The following GRIK1 variants were observed in gnomAD, a reference collection of about 807,000 sequenced individuals.
GRIK1 encodes the protein glutamate receptor ionotropic, kainate 1.
A neutral mutation model predicts 105.7 loss-of-function variants in GRIK1; 69 were observed. The ratio of observed to expected loss-of-function variants is 0.65; its 90% CI spans 0.54 to 0.80. The LOEUF is 0.80. Among genes scored for constraint, GRIK1 ranks in the 30% least tolerant of loss-of-function variants. GRIK1 has a pLI of 0.00. For missense variants in GRIK1, 1,109 were observed against 1,167.3 expected (o/e 0.95, Z 0.73); for synonymous variants, 438 against 431.3 (o/e 1.02, Z -0.19).
chr21:29,838,624 A>C (rs2067878904), intron 1 of GRIK1, among the ~76,000 whole-genome samples: 2 of 152,236 alleles, frequency 1.3e-5, no homozygotes, highest in Non-Finnish European at 2.9e-5. Flanking sequence ...GAGAAATCAC[A>C]GCAAATAATA....
At chr21:29,862,907 A>G (rs1366319437) in intron 1 of GRIK1, among the ~76,000 whole-genome samples, 1 of 152,238 alleles carries the variant, frequency 6.6e-6, no homozygotes, top group Non-Finnish European at 1.5e-5. Context: ...TGAAATTTTT[A>G]TGACAACAAA....
intron 3 of GRIK1, among the ~76,000 whole-genome samples, chr21:29,677,368 A>T (rs929419206): frequency 6.6e-6 from 1 of 152,232 alleles, no homozygotes; most frequent in African/African-American, 2.4e-5. Flanking sequence ...ACTTTGGTTG[A>T]ATAAACGCTT....
At chr21:29,830,622 A>G (rs2067605347) in intron 1 of GRIK1, among the ~76,000 whole-genome samples, 1 of 152,170 alleles carries the variant, frequency 6.6e-6, no homozygotes, top group Non-Finnish European at 1.5e-5. Flanking sequence ...AACCTAGTAT[A>G]TCTCCTTAAA....
At chr21:29,743,438 G>A (rs1250956344) in intron 1 of GRIK1, among the ~76,000 whole-genome samples, 1 of 152,126 alleles carries the variant, frequency 6.6e-6, no homozygotes. Flanking sequence ...GCTCACTCCT[G>A]TAATCCCAGC....
chr21:29,540,949 A>G lies in GRIK1; in HGVS notation c.2608-3065T>C, dbSNP rs950303193. Among the ~76,000 whole-genome samples the G allele has an allele frequency of 2.0e-5, 3 of 150,462 alleles. No homozygotes were observed. The Admixed American group carries it at 2.0e-4, about 10-fold the overall frequency. Reference sequence around the variant, plus strand: ...AAATGTGATGGAGTTCACATTTCTAATAAATCTACACTTGCACTTGATTTT... The same window carrying G: ...AAATGTGATGGAGTTCACATTTCTAGTAAATCTACACTTGCACTTGATTTT... On this transcript the variant is annotated intron_variant, in intron 16 of 17. Transcript: ENST00000327783.
chr21:29,807,606 A>G (rs1461422287), intron 1 of GRIK1, among the ~76,000 whole-genome samples: 2 of 152,106 alleles, frequency 1.3e-5, no homozygotes, highest in African/African-American at 4.8e-5. Context: ...ACATTCTTTA[A>G]AGAATAATTT....
At chr21:29,712,984 A>C (rs535154620) in intron 1 of GRIK1, among the ~76,000 whole-genome samples, 1 of 151,590 alleles carries the variant, frequency 6.6e-6, no homozygotes, top group Non-Finnish European at 1.5e-5. Flanking sequence ...TTGTGATGCT[A>C]TGTTGACAGC....
At chr21:29,605,340 G>A (rs962215875) in intron 7 of GRIK1, among the ~76,000 whole-genome samples, 2 of 152,120 alleles carry the variant, frequency 1.3e-5, no homozygotes, top group Admixed American at 6.5e-5. Flanking sequence ...TCCTGCATGA[G>A]TTTGCTGAGG....
intron 1 of GRIK1, among the ~76,000 whole-genome samples, chr21:29,708,100 T>C (rs2063961372): frequency 6.6e-6 from 1 of 152,210 alleles, no homozygotes; most frequent in Non-Finnish European, 1.5e-5. Flanking sequence ...AATTTATATG[T>C]GCATCCATCC....
At chr21:29,542,345 G>A (rs1163066977) in intron 16 of GRIK1, among the ~76,000 whole-genome samples, 28 of 150,940 alleles carry the variant, frequency 1.9e-4, no homozygotes, top group Non-Finnish European at 2.9e-5. Context: ...AACCTCAAAT[G>A]TTTGATTTCT....
At chr21:29,681,188 C>T (rs950399839) in intron 3 of GRIK1, among the ~76,000 whole-genome samples, 5 of 152,124 alleles carry the variant, frequency 3.3e-5, no homozygotes, top group Non-Finnish European at 5.9e-5. Context: ...CAGTACTATC[C>T]GTGGTTTCAG....
chr21:29,920,894 T>A (rs1456658210), intron 1 of GRIK1, among the ~76,000 whole-genome samples: 2 of 152,164 alleles, frequency 1.3e-5, no homozygotes, highest in East Asian at 3.8e-4. Flanking sequence ...TAACGTGGTA[T>A]GTGGCTTCCG....
intron 1 of GRIK1, among the ~76,000 whole-genome samples, chr21:29,878,233 GC>G (rs1317022723): frequency 6.6e-6 from 1 of 152,116 alleles, no homozygotes; most frequent in East Asian, 1.9e-4. Context: ...AAGACAGCAG[GC>G]AAAAGAGGTC....
At chr21:29,754,961 T>C (rs1030711702) in intron 1 of GRIK1, among the ~76,000 whole-genome samples, 1 of 152,218 alleles carries the variant, frequency 6.6e-6, no homozygotes, top group Non-Finnish European at 1.5e-5. Flanking sequence ...TCTAAATCTA[T>C]CTAGCTAGCT....
At chr21:29,573,293 C>T (rs978256618) in intron 14 of GRIK1, among the ~76,000 whole-genome samples, 8 of 152,182 alleles carry the variant, frequency 5.3e-5, no homozygotes, top group Non-Finnish European at 7.4e-5. Context: ...AGAAAATGCT[C>T]AGGGAGCAGC....
chr21:29,809,594 G>A (rs2066955178), intron 1 of GRIK1, among the ~76,000 whole-genome samples: 1 of 152,130 alleles, frequency 6.6e-6, no homozygotes. Flanking sequence ...TCAGCAATAA[G>A]GCTGTTTTGC....
chr21:29,630,754 TTGTG>T (rs140883938), intron 7 of GRIK1: 14 of 365,938 alleles, frequency 3.8e-5, no homozygotes, highest in Non-Finnish European at 7.0e-5. Flanking sequence ...CATCCCTAGT[TTGTG>T]TGTGTGTGTG....
rs1000833617 is a variant in GRIK1 at position 29,760,909 on chromosome 21, AC to A, written c.119-66847del. Among the ~76,000 whole-genome samples, 12 of 152,364 alleles carry A rather than the reference AC, an allele frequency of 7.9e-5. No homozygotes were observed. The South Asian group carries it at 1.9e-3, about 24-fold the overall frequency. ...GCTTTTAGTAATTCAGATGGAAAAG[AC>A]TTTCCAGACAGATTCCAAAGGATTA... On this transcript the variant is annotated intron_variant, in intron 1 of 17. Coordinates refer to ENST00000327783, the MANE Select transcript of GRIK1 (RefSeq NM_001330994.2).
chr21:29,646,201 T>A (rs933119), intron 6 of GRIK1, among the ~76,000 whole-genome samples: 76,151 of 152,012 alleles, frequency 0.5, 22,085 homozygotes, highest in African/African-American at 0.82. Flanking sequence ...AAAAGGCTGG[T>A]TACTAAGTAA....
Sources: gnomAD v4.1 joint callset for allele counts (sites outside exome capture counted in the v4.1 genomes callset) on GRCh38, gnomAD v4.1.1 for gene constraint, MANE v1.5 for transcripts, NCBI Gene and HGNC (gene_info 2026-07-23, HGNC 2026-07-21) for gene names.